MUC7: variants seen among roughly 807,000 people sequenced by gnomAD.
MUC7 encodes the protein mucin 7, secreted.
Under a neutral mutation model 2.5 loss-of-function variants are expected in MUC7, and 2 were observed. The ratio of observed to expected loss-of-function variants is 0.81; its 90% CI spans 0.33 to 2.55. MUC7 has a LOEUF of 2.55. MUC7 is among the 30% of genes most tolerant of loss of function. MUC7 has a pLI of 0.11. For synonymous variants in MUC7, 133 were observed against 173.4 expected, an observed-to-expected ratio of 0.77 and a Z score of 1.83; for missense variants, 408 against 455.6, an observed-to-expected ratio of 0.90 and a Z score of 0.95.
chr4:70,456,615 ACT>A (rs1734421830), intron 1 of MUC7, among the ~76,000 whole-genome samples: 1 of 152,292 alleles, frequency 6.6e-6, no homozygotes, highest in Admixed American at 6.5e-5. Flanking sequence ...GAACTCACTC[ACT>A]GTCATGAGAA....
chr4:70,482,932 A>G lies in MUC7; in HGVS notation c.*1054A>G, dbSNP rs926156021. The G allele has an allele frequency of 8.5e-5, 13 of 152,342 alleles. No individual in the cohort carries two copies. Among genetic ancestry groups the G allele is most frequent in the Admixed American group, 6.5e-5 (1 of 15,274 alleles). The allele number at this position is 152,342 out of a possible 1,614,324, so 9.4% of individuals were successfully genotyped here. On this transcript the variant is annotated 3_prime_UTR_variant, in exon 3 of 3. Transcript: ENST00000304887. ...GGCATTTTTATCTTCTGTCACTACTACTTAAAACTCTGATGATTATGTTAG... is the reference window on the plus strand; with the variant it reads ...GGCATTTTTATCTTCTGTCACTACTGCTTAAAACTCTGATGATTATGTTAG...
rs1423356652 is a variant in MUC7, at chr4:70,461,600, A to G, written c.-92-10615A>G. Among the ~76,000 whole-genome samples the G allele has an allele frequency of 2.6e-5, 4 of 152,124 alleles. No homozygotes were observed. In the East Asian group the frequency reaches 7.7e-4, roughly 29 times the overall value. On this transcript the variant is annotated intron_variant, in intron 1 of 3. Coordinates refer to the MUC7 transcript ENST00000413702. Reference sequence around the variant, plus strand: ...ATTCTGTGTCTTTGTCTCCTATTCCAATACAAAATGCTATCTTTAAAGTAG... The same window carrying G: ...ATTCTGTGTCTTTGTCTCCTATTCCGATACAAAATGCTATCTTTAAAGTAG...
At chr4:70,452,971 G>T (rs1051874680) in intron 1 of MUC7, among the ~76,000 whole-genome samples, 3 of 152,188 alleles carry the variant, frequency 2.0e-5, no homozygotes, top group African/African-American at 7.2e-5. Context: ...TACTATTCTA[G>T]GTTAAAAGTG....
In MUC7 at chr4:70,481,045, G is replaced by A. The variant is rs1024669246; in HGVS notation, c.301G>A (p.Val101Ile). 9 of 1,613,934 alleles carry A rather than the reference G, an allele frequency of 5.6e-6. No homozygotes were observed. The highest frequency in any genetic ancestry group is 5.3e-5 in the African/African-American group (4 of 74,906). The stretch of plus-strand genomic sequence containing the variant: ...ACATCCAGATAAAAATAGCAGTGTG[G>A]TCAACCCTACCTTAGTGGCTACAAC... ...PKHPDKNSSV[V>I]NPTLVATTQI... The change falls in exon 3 of 3, where the codon GTC (valine) becomes ATC (isoleucine). Residue 101 changes from valine to isoleucine, a missense_variant. Around this residue, in one of 3 missense-constraint regions of MUC7, gnomAD observed 225 missense variants for 240.5 expected, o/e 0.94. Coordinates refer to ENST00000304887, the MANE Select transcript of MUC7 (RefSeq NM_152291.3).
chr4:70,480,283 A>G (rs1283275192), intron 2 of MUC7, among the ~76,000 whole-genome samples: 1 of 152,214 alleles, frequency 6.6e-6, no homozygotes, highest in African/African-American at 2.4e-5. Context: ...AAATATGGAG[A>G]ACATGAAGCC....
At chr4:70,460,244 A>T (rs1488669271) in intron 1 of MUC7, among the ~76,000 whole-genome samples, 1 of 152,226 alleles carries the variant, frequency 6.6e-6, no homozygotes, top group African/African-American at 2.4e-5. Context: ...AGGATAGAAG[A>T]TTAAATTGTG....
At chr4:70,444,719 G>T (rs139537730) in intron 1 of MUC7, among the ~76,000 whole-genome samples, 272 of 152,158 alleles carry the variant, frequency 1.8e-3, no homozygotes, top group African/African-American at 5.9e-3. Flanking sequence ...TCATATACTG[G>T]TACTTATTCT....
At chr4:70,460,493 G>A (rs143406828) in intron 1 of MUC7, among the ~76,000 whole-genome samples, 2 of 150,726 alleles carry the variant, frequency 1.3e-5, no homozygotes, top group African/African-American at 2.4e-5. Flanking sequence ...GAGATGGAGT[G>A]GGGGATGGAA....
intron 1 of MUC7, among the ~76,000 whole-genome samples, chr4:70,454,678 C>T (rs540470961): frequency 1.4e-4 from 21 of 147,320 alleles, no homozygotes; most frequent in Admixed American, 1.3e-4. Context: ...AGATAGTGGT[C>T]GAATTTGGTG....
intron 2 of MUC7, among the ~76,000 whole-genome samples, chr4:70,476,107 C>T (rs78866776): frequency 0.013 from 2,051 of 152,220 alleles, 47 homozygotes; most frequent in African/African-American, 0.047. Context: ...ATATGCTTCA[C>T]AGGGCTGCTG....
chr4:70,475,345 C>T (rs2109742667), intron 2 of MUC7, among the ~76,000 whole-genome samples: 1 of 152,206 alleles, frequency 6.6e-6, no homozygotes, highest in South Asian at 2.1e-4. Flanking sequence ...TTTGAAATGG[C>T]TATTAGACTT....
intron 1 of MUC7, among the ~76,000 whole-genome samples, chr4:70,438,850 C>T (rs1733930127): frequency 6.6e-6 from 1 of 152,098 alleles, no homozygotes; most frequent in Non-Finnish European, 1.5e-5. Flanking sequence ...AATTAATAAA[C>T]CTACTCCAGG....
chr4:70,439,309 G>T (rs1013814331), intron 1 of MUC7, among the ~76,000 whole-genome samples: 18 of 152,148 alleles, frequency 1.2e-4, no homozygotes, highest in Non-Finnish European at 1.5e-5. Flanking sequence ...GGAGAATAAG[G>T]TACGAGCTGG....
chr4:70,432,242 T>G (rs551387213), intron 1 of MUC7, among the ~76,000 whole-genome samples: 102 of 152,368 alleles, frequency 6.7e-4, no homozygotes, highest in African/African-American at 2.5e-3. Flanking sequence ...GCATGATTTA[T>G]AATCCTTTGG....
chr4:70,445,400 G>T (rs1317133891), intron 1 of MUC7, among the ~76,000 whole-genome samples: 1 of 152,162 alleles, frequency 6.6e-6, no homozygotes, highest in African/African-American at 2.4e-5. Flanking sequence ...TTATGAGTCT[G>T]CCATAGAAGA....
chr4:70,431,673 A>G (rs555510055), intron 1 of MUC7, among the ~76,000 whole-genome samples: 1 of 152,242 alleles, frequency 6.6e-6, no homozygotes, highest in Admixed American at 6.5e-5. Context: ...TAGTAACATT[A>G]GATGAATATG....
rs1735235881 is a variant in MUC7 at position 70,482,688 on chromosome 4, A to G, written c.*810A>G. The G allele has an allele frequency of 1.3e-5, 2 of 152,078 alleles. No homozygotes were observed. Among genetic ancestry groups the G allele is most frequent in the South Asian group, 4.2e-4 (2 of 4,810 alleles). 9.4% of individuals were successfully genotyped at this position (152,078 alleles called of 1,614,324 possible). On this transcript the variant is annotated 3_prime_UTR_variant, in exon 3 of 3. Coordinates refer to ENST00000304887, the MANE Select transcript of MUC7 (RefSeq NM_152291.3). ...ATGGTGCTTATAATATTTCACTATC[A>G]ATTCAATTAATTCACATAAATTCCA...
chr4:70,480,879 AC>A lies in MUC7; in HGVS notation c.137del (p.Pro46HisfsTer7). 1 of 1,614,162 alleles carries A rather than the reference AC, an allele frequency of 6.2e-7. No homozygotes were observed. Among genetic ancestry groups the A allele is most frequent in the Non-Finnish European group, 8.5e-7 (1 of 1,180,016 alleles). On this transcript the variant is annotated frameshift_variant, in exon 3 of 3. Transcript: ENST00000304887. LOFTEE classifies it low-confidence loss of function (END_TRUNC). ...AATCACCCAAATCTCACTTTGAATT[AC>A]CACATTATCCTGGACTGCTAGCTCA... ...HQSPKSHFEL[P>X]HYPGLLAHQK... is the part of the protein sequence containing the mutation.
At chr4:70,465,819 A>G (rs1313040553) in intron 1 of MUC7, among the ~76,000 whole-genome samples, 1 of 152,244 alleles carries the variant, frequency 6.6e-6, no homozygotes, top group Non-Finnish European at 1.5e-5. Flanking sequence ...GTTGAAAAAT[A>G]CTTTTCAAGA....
Sources: allele counts gnomAD v4.1 joint callset (sites outside exome capture counted in the v4.1 genomes callset), GRCh38; gene constraint gnomAD v4.1.1; regional missense constraint gnomAD v4.1.1; transcripts MANE v1.5; gene names NCBI Gene and HGNC (gene_info 2026-07-23, HGNC 2026-07-21).